ADAMTSL3: variants seen among roughly 807,000 people sequenced by gnomAD.
ADAMTSL3 encodes the protein ADAMTS like 3.
In ADAMTSL3, 128 loss-of-function variants were observed where a neutral mutation model predicts 201.7. The observed-to-expected ratio is 0.63, with a 90% CI of 0.55 to 0.73. The LOEUF is 0.73. Ranked by LOEUF, ADAMTSL3 falls within the 30% of genes least tolerant of loss-of-function variation. ADAMTSL3 has a pLI of 0.00. For synonymous variants in ADAMTSL3, 738 were observed against 748.4 expected (o/e 0.99, Z 0.23); for missense variants, 1,990 against 2,119.6 (o/e 0.94, Z 1.20).
At chr15:83,878,424 G>C (rs1397714996) in intron 9 of ADAMTSL3, among the ~76,000 whole-genome samples, 1 of 152,112 alleles carries the variant, frequency 6.6e-6, no homozygotes, top group Non-Finnish European at 1.5e-5. Flanking sequence ...GACCAGCCTG[G>C]CTAACACGGT....
intron 15 of ADAMTSL3, among the ~76,000 whole-genome samples, chr15:83,908,499 T>C (rs1442175393): frequency 6.6e-6 from 1 of 152,216 alleles, no homozygotes; most frequent in East Asian, 1.9e-4. Flanking sequence ...ATTGTTCTTA[T>C]TTTACAGAAA....
Position 83,801,438 on chromosome 15 carries a change from G to A in ADAMTSL3, c.318-3212G>A, listed in dbSNP as rs1013475994. Among the ~76,000 whole-genome samples, 11 of 151,098 alleles carry A rather than the reference G, an allele frequency of 7.3e-5. No individual in the cohort carries two copies. The East Asian group carries it at 2.1e-3, about 29-fold the overall frequency. On this transcript the variant is annotated intron_variant, in intron 4 of 29. Transcript: ENST00000286744. ...GGAACAGAAAGTTTAAGGTGAAGATGGCATGAAATGGAAATGGAGGAGGGA... is the reference window on the plus strand; with the variant it reads ...GGAACAGAAAGTTTAAGGTGAAGATAGCATGAAATGGAAATGGAGGAGGGA...
intron 15 of ADAMTSL3, among the ~76,000 whole-genome samples, chr15:83,904,659 G>C (rs564171188): frequency 8.5e-4 from 130 of 152,318 alleles, no homozygotes; most frequent in African/African-American, 3.0e-3. Flanking sequence ...TTTCAGCTGT[G>C]GAATGTGTTG....
At chr15:83,759,124 T>G (rs951601425) in intron 3 of ADAMTSL3, among the ~76,000 whole-genome samples, 1 of 152,292 alleles carries the variant, frequency 6.6e-6, no homozygotes, top group Admixed American at 6.5e-5. Context: ...TTTGTTTTAA[T>G]TAGAAAAATA....
chr15:83,736,029 C>T (rs2062364529), intron 3 of ADAMTSL3, among the ~76,000 whole-genome samples: 1 of 152,136 alleles, frequency 6.6e-6, no homozygotes, highest in Non-Finnish European at 1.5e-5. Flanking sequence ...ACTTATTATA[C>T]TCAATATTGC....
At chr15:83,827,167 C>T (rs1056853231) in intron 6 of ADAMTSL3, among the ~76,000 whole-genome samples, 26 of 152,304 alleles carry the variant, frequency 1.7e-4, no homozygotes, top group Admixed American at 5.9e-4. Flanking sequence ...TCCTCTCCAG[C>T]ACCTGTTGTT....
chr15:83,886,794 CA>C (rs1419102736), intron 10 of ADAMTSL3, among the ~76,000 whole-genome samples: 19 of 152,136 alleles, frequency 1.2e-4, no homozygotes, highest in Non-Finnish European at 2.5e-4. Flanking sequence ...TGTGAATATG[CA>C]GGCAGATGTC....
At chr15:83,744,927 C>T (rs2062520086) in intron 3 of ADAMTSL3, among the ~76,000 whole-genome samples, 1 of 152,174 alleles carries the variant, frequency 6.6e-6, no homozygotes, top group African/African-American at 2.4e-5. Context: ...AGGGCGGGTC[C>T]CTGGCAAAGG....
At chr15:83,694,408 A>G (rs1370631053) in intron 2 of ADAMTSL3, 1 of 151,380 alleles carries the variant, frequency 6.6e-6, no homozygotes, top group Non-Finnish European at 1.5e-5. Flanking sequence ...ATTTGAGACA[A>G]ACACCTCGTT....
intron 4 of ADAMTSL3, among the ~76,000 whole-genome samples, chr15:83,798,764 G>T (rs972003950): frequency 7.4e-6 from 1 of 134,510 alleles, no homozygotes; most frequent in Non-Finnish European, 1.5e-5. Context: ...CTGAGATCGC[G>T]CCATTGCACT....
In ADAMTSL3 at chr15:83,791,630, G is replaced by A. The variant is rs1365454607; in HGVS notation, c.318-13020G>A. Reference sequence around the variant, plus strand: ...TCCCAACACTTTGGGAGGCCGAGGCGGGCAGATCACGAGGTCAGGAGATCG... The same window carrying A: ...TCCCAACACTTTGGGAGGCCGAGGCAGGCAGATCACGAGGTCAGGAGATCG... On this transcript the variant is annotated intron_variant, in intron 4 of 29. Coordinates refer to ENST00000286744, the MANE Select transcript of ADAMTSL3 (RefSeq NM_207517.3). Among the ~76,000 whole-genome samples, 5 of 152,110 alleles carry A rather than the reference G, an allele frequency of 3.3e-5. No individual in the cohort carries two copies. The East Asian group carries it at 7.7e-4, about 23-fold the overall frequency.
chr15:83,913,609 G>T (rs1332146519), intron 16 of ADAMTSL3, among the ~76,000 whole-genome samples: 3 of 151,626 alleles, frequency 2.0e-5, no homozygotes, highest in African/African-American at 7.3e-5. Context: ...ATATTTGTTT[G>T]CCTGAGAATC....
chr15:84,009,260 C>G (rs1489359275), intron 23 of ADAMTSL3, among the ~76,000 whole-genome samples: 2 of 152,184 alleles, frequency 1.3e-5, no homozygotes, highest in African/African-American at 4.8e-5. Context: ...ACCTACTGCT[C>G]TTTTCCTGGC....
rs779900828 is a variant in ADAMTSL3 at position 83,819,938 on chromosome 15, A to G, written c.491A>G (p.Lys164Arg). ...GATCCTGCTGCCCCGTGTGCACTCA[A>G]GTGTCATGCACAAGGACAAAACTTG... ...YNDPAAPCAL[K>R]CHAQGQNLVV... Residue 164 changes from lysine to arginine, a missense_variant, in exon 6 of 30, where the codon AAG becomes AGG. Lys to Arg is a conservative substitution (Grantham distance 26, BLOSUM62 2). Coordinates refer to ENST00000286744, the MANE Select transcript of ADAMTSL3 (RefSeq NM_207517.3). The G allele has an allele frequency of 2.2e-5, 35 of 1,614,004 alleles. No homozygotes were observed. Among genetic ancestry groups the G allele is most frequent in the Non-Finnish European group, 2.4e-5 (28 of 1,180,026 alleles).
At chr15:83,890,080 A>G in intron 10 of ADAMTSL3, 29 bp from the exon 11 acceptor site, 3 of 1,595,144 alleles carry the variant, frequency 1.9e-6, no homozygotes, top group Non-Finnish European at 2.6e-6. Context: ...CGGATGCAAT[A>G]TTCAGACTTG....
chr15:83,972,617 A>T (rs183447219), intron 20 of ADAMTSL3, among the ~76,000 whole-genome samples: 1 of 152,298 alleles, frequency 6.6e-6, no homozygotes, highest in Non-Finnish European at 1.5e-5. Context: ...AGCAGAGAAA[A>T]TTACAAGTTG....
chr15:83,779,215 A>C (rs2063126730), intron 4 of ADAMTSL3, among the ~76,000 whole-genome samples: 1 of 152,106 alleles, frequency 6.6e-6, no homozygotes, highest in Non-Finnish European at 1.5e-5. Context: ...CAAGACAGAA[A>C]ATTAACAAAG....
chr15:83,723,701 A>G (rs907062329), intron 3 of ADAMTSL3, among the ~76,000 whole-genome samples: 7 of 152,180 alleles, frequency 4.6e-5, no homozygotes, highest in African/African-American at 7.2e-5. Flanking sequence ...TAGGAAATCT[A>G]TAATTTTATT....
intron 20 of ADAMTSL3, among the ~76,000 whole-genome samples, chr15:83,975,189 A>T (rs1049081367): frequency 2.6e-5 from 4 of 151,714 alleles, no homozygotes; most frequent in Non-Finnish European, 4.4e-5. Context: ...TTTTTAGTAG[A>T]GACGGGGTTT....
Sources: allele counts gnomAD v4.1 joint callset (sites outside exome capture counted in the v4.1 genomes callset), GRCh38; gene constraint gnomAD v4.1.1; transcripts MANE v1.5; gene names NCBI Gene and HGNC (gene_info 2026-07-23, HGNC 2026-07-21).